OSER1: variants seen among roughly 807,000 people sequenced by gnomAD.
OSER1 encodes oxidative stress responsive serine rich 1, also known as oxidative stress-responsive serine-rich protein 1.
A neutral mutation model predicts 26.3 loss-of-function variants in OSER1; 15 were observed. The observed-to-expected ratio is 0.57, with a 90% CI of 0.38 to 0.88. The LOEUF is 0.88. OSER1 is among the 40% of genes least tolerant of loss of function. The probability of loss-of-function intolerance (pLI) is 0.00; values close to 1 mark genes in which losing one functional copy is unlikely to be tolerated. For missense variants in OSER1, 313 were observed against 353.9 expected, an observed-to-expected ratio of 0.88 and a Z score of 0.93; for synonymous variants, 127 against 128.2, an observed-to-expected ratio of 0.99 and a Z score of 0.07.
chr20:44,208,848 G>A (rs1289117089), intron 1 of OSER1, among the ~76,000 whole-genome samples: 1 of 152,012 alleles, frequency 6.6e-6, no homozygotes, highest in Non-Finnish European at 1.5e-5. Context: ...CCCGCAGACC[G>A]CCCCCCAAGT....
chr20:44,201,998 C>T (rs976621271), intron 3 of OSER1, among the ~76,000 whole-genome samples: 2 of 152,120 alleles, frequency 1.3e-5, no homozygotes, highest in African/African-American at 4.8e-5. Context: ...AAACTGATCA[C>T]ATTGAATAAA....
In OSER1 at chr20:44,196,875, C is replaced by G. The variant is rs1291914648; in HGVS notation, c.*177G>C. ...TCGCCTTGAAGTGTATGTAAGAACT[C>G]AAGAGAGTAAGTTGAAAGAATGAAG... On this transcript the variant is annotated 3_prime_UTR_variant, in exon 4 of 4. Transcript: ENST00000255174. 4 of 579,478 alleles carry G rather than the reference C, an allele frequency of 6.9e-6. No homozygotes were observed. In the East Asian group the frequency reaches 1.1e-4, roughly 16 times the overall value. 35.9% of individuals were successfully genotyped at this position (579,478 alleles called of 1,614,324 possible). A position where few individuals can be genotyped will look rare whatever the true frequency, so the allele number is the denominator to read the frequency against.
intron 3 of OSER1, among the ~76,000 whole-genome samples, chr20:44,198,505 G>C (rs556407567): frequency 1.3e-5 from 2 of 152,190 alleles, no homozygotes; most frequent in African/African-American, 4.8e-5. Context: ...TGTAGTCCCA[G>C]ATACTTGGGA....
intron 3 of OSER1, among the ~76,000 whole-genome samples, chr20:44,199,135 C>T (rs936872111): frequency 6.6e-6 from 1 of 152,202 alleles, no homozygotes; most frequent in South Asian, 2.1e-4. Flanking sequence ...CCACGAAGTG[C>T]TTCTGCTGTG....
intron 3 of OSER1, among the ~76,000 whole-genome samples, chr20:44,199,668 CA>C (rs1430263347): frequency 1.3e-5 from 2 of 152,146 alleles, no homozygotes; most frequent in East Asian, 3.8e-4. Flanking sequence ...GAAGGAAAAA[CA>C]AATTTGTGAT....
intron 3 of OSER1, 69 bp downstream of exon 3, chr20:44,202,892 C>T (rs930692716): frequency 7.1e-6 from 6 of 840,188 alleles, no homozygotes; most frequent in Non-Finnish European, 7.9e-6. Context: ...CTTTTCTGGA[C>T]ACTCAGAAAG....
In OSER1 at chr20:44,198,083, C is replaced by T. The variant is rs143247504; in HGVS notation, c.192-344G>A. Among the ~76,000 whole-genome samples the T allele has an allele frequency of 5.1e-3, 778 of 152,304 alleles. 6 individuals carry two copies. Among genetic ancestry groups the T allele is most frequent in the African/African-American group, 0.018 (747 of 41,572 alleles). On this transcript the variant is annotated intron_variant, in intron 3 of 3. Transcript: ENST00000255174. ...TGAGGGAAGCACCTCAAACATACAA[C>T]TGAAACCGATCCTGTGAAGCCTAAA...
intron 1 of OSER1, among the ~76,000 whole-genome samples, chr20:44,209,789 A>G (rs1600500506): frequency 6.6e-6 from 1 of 152,172 alleles, no homozygotes; most frequent in Non-Finnish European, 1.5e-5. Flanking sequence ...GACCTCCTTG[A>G]ATCCCAAGCC....
At chr20:44,211,527 G>GT (rs1486532867), upstream of OSER1, among the ~76,000 whole-genome samples, 6 of 152,228 alleles carry the variant, frequency 3.9e-5, no homozygotes, top group South Asian at 8.3e-4. Context: ...GGTGAATCTC[G>GT]TGTTTTCAGG....
chr20:44,206,614 G>T (rs752099622), intron 2 of OSER1, among the ~76,000 whole-genome samples: 29 of 147,354 alleles, frequency 2.0e-4, no homozygotes, highest in Middle Eastern at 7.0e-3. Flanking sequence ...AAAAAGAAGT[G>T]GGGGGGAAGC....
At chr20:44,200,472 T>G (rs1313228789) in intron 3 of OSER1, among the ~76,000 whole-genome samples, 1 of 152,136 alleles carries the variant, frequency 6.6e-6, no homozygotes, top group Non-Finnish European at 1.5e-5. Context: ...ATCCTTGAAT[T>G]TTTGCTTCTT....
Position 44,197,554 on chromosome 20 carries a change from G to A in OSER1, c.377C>T (p.Pro126Leu), listed in dbSNP as rs540214632. 7 of 1,614,120 alleles carry A rather than the reference G, an allele frequency of 4.3e-6. No individual in the cohort carries two copies. The South Asian group carries it at 7.7e-5, about 18-fold the overall frequency. The change falls in exon 4 of 4, where the codon CCT becomes CTT. Residue 126 changes from proline to leucine, a missense_variant. This residue lies in a region of OSER1 where 300 missense variants were observed against 318.3 expected (regional missense o/e 0.94). Coordinates refer to ENST00000255174, the MANE Select transcript of OSER1 (RefSeq NM_016470.8). The stretch of plus-strand genomic sequence containing the variant: ...GCTTTCTCCTGCACTGAACTCTTTA[G>A]GGGATGAAATTCCCAGCCCACTGCT... Reference protein sequence around the residue: ...DGSSGLGISSPKEFSAGESST... With the variant: ...DGSSGLGISSLKEFSAGESST...
chr20:44,202,428 AG>A (rs2072992884), intron 3 of OSER1, among the ~76,000 whole-genome samples: 1 of 152,232 alleles, frequency 6.6e-6, no homozygotes, highest in African/African-American at 2.4e-5. Context: ...AACACTAACT[AG>A]AAGAAAACTT....
Position 44,209,513 on chromosome 20 carries a change from T to C in OSER1, c.-42+1183A>G, listed in dbSNP as rs1467211478. Among the ~76,000 whole-genome samples, 3 of 152,216 alleles carry C rather than the reference T, an allele frequency of 2.0e-5. No individual in the cohort carries two copies. In the East Asian group the frequency reaches 5.8e-4, roughly 29 times the overall value. On this transcript the variant is annotated intron_variant, in intron 1 of 3. Coordinates refer to ENST00000255174, the MANE Select transcript of OSER1 (RefSeq NM_016470.8). ...TTGGCTTGCCTTTCTTCATTAATAT[T>C]AAATTTGTGGGAGACAGTCTTGGCG...
intron 3 of OSER1, among the ~76,000 whole-genome samples, chr20:44,202,036 G>C (rs2072987473): frequency 6.6e-6 from 1 of 152,176 alleles, no homozygotes; most frequent in Non-Finnish European, 1.5e-5. Context: ...CTAGTCATAT[G>C]CTATTTATAT....
chr20:44,206,853 C>A, intron 2 of OSER1, 28 bp downstream of exon 2: 1 of 908,444 alleles, frequency 1.1e-6, no homozygotes, highest in Non-Finnish European at 1.8e-6. Flanking sequence ...ACAAATAATT[C>A]CAAATAATAT....
chr20:44,205,522 A>C (rs1177838650), intron 2 of OSER1, among the ~76,000 whole-genome samples: 1 of 152,236 alleles, frequency 6.6e-6, no homozygotes, highest in East Asian at 1.9e-4. Context: ...TTGATAGCCC[A>C]AAAATAGTAC....
rs899173208 is a variant in OSER1 at position 44,196,814 on chromosome 20, A to G, written c.*238T>C. On this transcript the variant is annotated 3_prime_UTR_variant, in exon 4 of 4. Transcript: ENST00000255174. ...ATTATGGTTTCTTCATCCCCCAGGA[A>G]CATTTCTAAATAAGGGGGATTTTTC... 13 of 454,224 alleles carry G rather than the reference A, an allele frequency of 2.9e-5. 1 individual carries two copies. In the East Asian group the frequency reaches 4.3e-4, roughly 15 times the overall value. The allele number at this position is 454,224 out of a possible 1,614,324, so 28.1% of individuals were successfully genotyped here. A position where few individuals can be genotyped will look rare whatever the true frequency, so the allele number is the denominator to read the frequency against.
At chr20:44,210,317 T>A (rs1397476738) in intron 1 of OSER1, among the ~76,000 whole-genome samples, 2 of 150,424 alleles carry the variant, frequency 1.3e-5, no homozygotes, top group Admixed American at 6.6e-5. Context: ...AAGAAAGGAG[T>A]GGGGCCGAAG....
Sources: gnomAD v4.1 joint callset for allele counts (sites outside exome capture counted in the v4.1 genomes callset) on GRCh38, gnomAD v4.1.1 for gene constraint, gnomAD v4.1.1 regional missense constraint, MANE v1.5 for transcripts, NCBI Gene and HGNC (gene_info 2026-07-23, HGNC 2026-07-21) for gene names.